DYNC1H1: variants seen among roughly 807,000 people sequenced by gnomAD.
DYNC1H1 encodes dynein cytoplasmic 1 heavy chain 1, also known as cytoplasmic dynein 1 heavy chain 1.
A neutral mutation model predicts 527.1 loss-of-function variants in DYNC1H1; 51 were observed. The observed-to-expected ratio is 0.10, with a 90% CI of 0.08 to 0.12. The LOEUF (loss-of-function observed/expected upper bound fraction) is 0.12, where lower values mean the gene tolerates loss of function less well. Among genes scored for constraint, DYNC1H1 ranks in the 10% least tolerant of loss-of-function variants. DYNC1H1 has a pLI of 1.00. For synonymous variants in DYNC1H1, 2,189 were observed against 2,278.8 expected, an observed-to-expected ratio of 0.96 and a Z score of 1.12; for missense variants, 2,771 against 5,971.8, an observed-to-expected ratio of 0.46 and a Z score of 17.66.
In DYNC1H1 at chr14:102,039,576, C is replaced by T. The variant is rs752530701; in HGVS notation, c.11595+30C>T. Reference sequence around the variant, plus strand: ...AGTGAGGTCCTCAGCCGCTCCCTGGCGGGGGGGAAGCAGGGTGCTGCTTCT... The same window carrying T: ...AGTGAGGTCCTCAGCCGCTCCCTGGTGGGGGGGAAGCAGGGTGCTGCTTCT... On this transcript the variant is annotated intron_variant, in intron 61 of 77. Transcript: ENST00000360184. This position sits in a 1 kb window ranked among gnomAD's most constrained non-coding sequence, Gnocchi z 7.0. 12 of 1,613,988 alleles carry T rather than the reference C, an allele frequency of 7.4e-6. No homozygotes were observed. The highest frequency in any genetic ancestry group is 2.7e-5 in the African/African-American group (2 of 74,904).
chr14:101,987,240 A>G (rs1305289963), intron 8 of DYNC1H1, among the ~76,000 whole-genome samples: 1 of 152,258 alleles, frequency 6.6e-6, no homozygotes, highest in East Asian at 1.9e-4. Context: ...GTAAGGGAAG[A>G]GAAGCTGGGG....
At chr14:102,013,977 C>T (rs1254197304) in intron 34 of DYNC1H1, among the ~76,000 whole-genome samples, 1 of 152,184 alleles carries the variant, frequency 6.6e-6, no homozygotes, top group African/African-American at 2.4e-5. Flanking sequence ...GAGCCTTTAA[C>T]AACAAGGCTT....
At chr14:101,977,321 G>A (rs2047812158) in intron 2 of DYNC1H1, among the ~76,000 whole-genome samples, 1 of 152,140 alleles carries the variant, frequency 6.6e-6, no homozygotes, top group African/African-American at 2.4e-5. Context: ...CTTATTTTGA[G>A]TAATCTCAGG....
In DYNC1H1 at chr14:102,041,943, C is replaced by T. The variant is rs980912045; in HGVS notation, c.12103-70C>T. On this transcript the variant is annotated intron_variant, in intron 65 of 77. Coordinates refer to ENST00000360184, the MANE Select transcript of DYNC1H1 (RefSeq NM_001376.5). This position sits in a 1 kb window ranked among gnomAD's most constrained non-coding sequence, Gnocchi z 4.5. ...ATCTTCTCAGGCCCCTCACTCGGGG[C>T]TCTCCTTTCCCTTGACAGGTACACA... The T allele has an allele frequency of 6.4e-7, 1 of 1,565,916 alleles. No homozygotes were observed. The highest frequency in any genetic ancestry group is 1.7e-5 in the Admixed American group (1 of 58,036).
In DYNC1H1 at chr14:102,002,204, G is replaced by A. The variant is rs1011971857; in HGVS notation, c.4543-333G>A. Among the ~76,000 whole-genome samples the A allele has an allele frequency of 4.6e-5, 7 of 151,208 alleles. No individual in the cohort carries two copies. The South Asian group carries it at 6.3e-4, about 14-fold the overall frequency. ...CGGCTCACTGCAACCTCTGCCTCCC[G>A]GGTTGAAGTGATTCTCCCGCCTCAG... On this transcript the variant is annotated intron_variant, in intron 21 of 77. Coordinates refer to ENST00000360184, the MANE Select transcript of DYNC1H1 (RefSeq NM_001376.5). This position sits in a 1 kb window ranked among gnomAD's most constrained non-coding sequence, Gnocchi z 4.4.
rs1417230758 is a variant in DYNC1H1 at position 101,979,633 on chromosome 14, C to T, written c.519-86C>T. 2.5e-6 allele frequency: 4 copies of T among 1,607,964 alleles called. 1 individual carries two copies. The highest frequency in any genetic ancestry group is 2.7e-5 in the African/African-American group (2 of 74,774). ...CCTGTGTATTAATAAATATGTGTGTCATTACTATTTGACAGACCTGAAATG... is the reference window on the plus strand; with the variant it reads ...CCTGTGTATTAATAAATATGTGTGTTATTACTATTTGACAGACCTGAAATG... On this transcript the variant is annotated intron_variant, in intron 3 of 77. Transcript: ENST00000360184. The surrounding 1 kb of genome is among the most constrained non-coding windows in gnomAD (Gnocchi z 4.6).
At chr14:101,978,529 A>G (rs1417584798) in intron 2 of DYNC1H1, among the ~76,000 whole-genome samples, 1 of 152,202 alleles carries the variant, frequency 6.6e-6, no homozygotes, top group African/African-American at 2.4e-5. Flanking sequence ...AAATTTTATT[A>G]ATTACCTTGA....
rs17512103 is a variant in DYNC1H1, at chr14:101,988,428, C to A, written c.2719-275C>A. Among the ~76,000 whole-genome samples, 1,037 of 152,266 alleles carry A rather than the reference C, an allele frequency of 6.8e-3. 16 individuals are homozygous for A. The highest frequency in any genetic ancestry group is 0.024 in the African/African-American group (993 of 41,550). On this transcript the variant is annotated intron_variant, in intron 9 of 77. Transcript: ENST00000360184. ...CCACTGGTGGACTTCAGAGAGCACA[C>A]CAGTGGAGAGTGTTGGGGAGGAGGA...
Position 102,047,983 on chromosome 14 carries a change from C to A in DYNC1H1, c.13173C>A (p.Ile4391=), listed in dbSNP as rs556009462. The change falls in exon 73 of 78, where the codon ATC becomes ATA. Residue 4391 remains isoleucine (I), a synonymous_variant. Transcript: ENST00000360184. ...CCGCGTCCAACTGGCTGCACCTCAT[C>A]CCCCAGACGCTGAGCCACCTCAAGC... The part of the protein sequence containing the change: ...HTTASNWLHL[I]PQTLSHLKRT... 1 of 1,612,460 alleles carries A rather than the reference C, an allele frequency of 6.2e-7. No homozygotes were observed. Among genetic ancestry groups the A allele is most frequent in the South Asian group, 1.1e-5 (1 of 91,074 alleles).
Position 102,027,235 on chromosome 14 carries a change from A to G in DYNC1H1, c.8833A>G (p.Thr2945Ala), listed in dbSNP as rs2048461139. The change falls in exon 45 of 78, where the codon ACC becomes GCC. Residue 2945 changes from threonine (T) to alanine (A), a missense_variant. Physicochemically the swap from Thr to Ala is moderately conservative, Grantham distance 58. This residue lies in a region of DYNC1H1 where 84 missense variants were observed against 285.4 expected (regional missense o/e 0.29). Coordinates refer to ENST00000360184, the MANE Select transcript of DYNC1H1 (RefSeq NM_001376.5). The surrounding 1 kb of genome is among the most constrained non-coding windows in gnomAD (Gnocchi z 7.7). ...LIGVSGAGKT[T>A]LSRFVAWMNG... ...TGGTGTTAGTGGAGCAGGAAAAACTACCCTGTCTCGTTTCGTCGCCTGGAT... is the reference window on the plus strand; with the variant it reads ...TGGTGTTAGTGGAGCAGGAAAAACTGCCCTGTCTCGTTTCGTCGCCTGGAT... The G allele has an allele frequency of 6.2e-7, 1 of 1,613,908 alleles. No homozygotes were observed. The highest frequency in any genetic ancestry group is 8.5e-7 in the Non-Finnish European group (1 of 1,179,978).
chr14:101,975,698 A>G lies in DYNC1H1; in HGVS notation c.257-14A>G. 5.6e-6 allele frequency: 9 copies of G among 1,602,584 alleles called. No homozygotes were observed. Among genetic ancestry groups the G allele is most frequent in the Non-Finnish European group, 7.7e-6 (9 of 1,169,770 alleles). On this transcript the variant is annotated splice_polypyrimidine_tract_variant and intron_variant, in intron 1 of 77. Coordinates refer to ENST00000360184, the MANE Select transcript of DYNC1H1 (RefSeq NM_001376.5). ...ATGTTGATATTAATTTGATATATTT[A>G]TTATGATTTGTAGAGGACGTCGGTG...
rs547517324 is a variant in DYNC1H1, at chr14:102,000,154, A to G, written c.3960+10A>G. 1.9e-6 allele frequency: 3 copies of G among 1,614,168 alleles called. No individual in the cohort carries two copies. The African/African-American group carries it at 4.0e-5, about 22-fold the overall frequency. On this transcript the variant is annotated intron_variant, in intron 17 of 77. Transcript: ENST00000360184. Reference sequence around the variant, plus strand: ...TGAAGAGCGCGTGCAGGTATGAACCACTGGGGAGTGGGTGGAGAATCCCGC... The same window carrying G: ...TGAAGAGCGCGTGCAGGTATGAACCGCTGGGGAGTGGGTGGAGAATCCCGC...
rs754834522 is a variant in DYNC1H1, at chr14:102,027,496, A to C, written c.9000A>C (p.Leu3000Phe). ...TTATAATGGATGAATCTAATGTGTT[A>C]GATTCTGGATTCCTGGAGCGAATGA... is the stretch of plus-strand genomic sequence containing the variant. ...IAFIMDESNV[L>F]DSGFLERMNT... is the part of the protein sequence containing the mutation. The change falls in exon 46 of 78, where the codon TTA becomes TTC. Residue 3000 changes from leucine to phenylalanine, a missense_variant. Physicochemically the swap from Leu to Phe is conservative, Grantham distance 22. Coordinates refer to ENST00000360184, the MANE Select transcript of DYNC1H1 (RefSeq NM_001376.5). This position sits in a 1 kb window ranked among gnomAD's most constrained non-coding sequence, Gnocchi z 7.7. 1 of 1,614,216 alleles carries C rather than the reference A, an allele frequency of 6.2e-7. No homozygotes were observed. Among genetic ancestry groups the C allele is most frequent in the Non-Finnish European group, 8.5e-7 (1 of 1,180,042 alleles).
chr14:101,983,007 C>T lies in DYNC1H1; in HGVS notation c.962-12C>T. ...TATGTGAAAACCATTAACTCTTTCT[C>T]TGTTAATATAGGTCTAAAACAGGCT... On this transcript the variant is annotated splice_polypyrimidine_tract_variant and intron_variant, in intron 5 of 77. Transcript: ENST00000360184. The surrounding 1 kb of genome is among the most constrained non-coding windows in gnomAD (Gnocchi z 5.3). 6.2e-7 allele frequency: 1 copy of T among 1,613,690 alleles called. No individual in the cohort carries two copies. The highest frequency in any genetic ancestry group is 8.5e-7 in the Non-Finnish European group (1 of 1,179,824).
Position 102,011,565 on chromosome 14 carries a change from G to A in DYNC1H1, c.6619-310G>A, listed in dbSNP as rs186303174. 9 of 399,090 alleles carry A rather than the reference G, an allele frequency of 2.3e-5. No homozygotes were observed. Among genetic ancestry groups the A allele is most frequent in the Non-Finnish European group, 4.3e-5 (9 of 210,174 alleles). 24.7% of individuals were successfully genotyped at this position (399,090 alleles called of 1,614,324 possible). The stretch of plus-strand genomic sequence containing the variant: ...GAAATGTTTGTTTTACATGTGACCT[G>A]TGTAACATCTCTCCAGCTGGGGAGT... On this transcript the variant is annotated intron_variant, in intron 32 of 77. Coordinates refer to ENST00000360184, the MANE Select transcript of DYNC1H1 (RefSeq NM_001376.5). The surrounding 1 kb of genome is among the most constrained non-coding windows in gnomAD (Gnocchi z 5.3).
chr14:102,050,355 G>T, intron 77 of DYNC1H1, 80 bp from the exon 78 acceptor site: 1 of 1,612,676 alleles, frequency 6.2e-7, no homozygotes. Flanking sequence ...TCCTTGCCGG[G>T]CCCCATCAGC....
At chr14:102,040,568 C>T in intron 63 of DYNC1H1, 30 bp from the exon 64 acceptor site, 1 of 1,614,042 alleles carries the variant, frequency 6.2e-7, no homozygotes, top group Non-Finnish European at 8.5e-7. Context: ...CAGCCCTGCT[C>T]CATGGGTGCT....
intron 51 of DYNC1H1, among the ~76,000 whole-genome samples, chr14:102,031,384 G>A (rs1030543921): frequency 3.3e-5 from 5 of 151,964 alleles, no homozygotes; most frequent in Non-Finnish European, 5.9e-5. Flanking sequence ...ATAGGTGCGC[G>A]CCGCCACACC....
rs2047872875 is a variant in DYNC1H1 at position 101,982,076 on chromosome 14, GC to G, written c.962-938del. 2.6e-5 allele frequency among the ~76,000 whole-genome samples: 4 copies of G among 152,194 alleles called. No individual in the cohort carries two copies. In the South Asian group the frequency reaches 8.3e-4, roughly 31 times the overall value. On this transcript the variant is annotated intron_variant, in intron 5 of 77. Transcript: ENST00000360184. ...GAGTGAGCATTACTGCCTGAGCTCT[GC>G]CCCCGTCACATGAGTGGCGGCATTA...
Sources: allele counts gnomAD v4.1 joint callset (sites outside exome capture counted in the v4.1 genomes callset), GRCh38; gene constraint gnomAD v4.1.1; regional missense constraint gnomAD v4.1.1; non-coding constraint Gnocchi (gnomAD v3.1); transcripts MANE v1.5; gene names NCBI Gene and HGNC (gene_info 2026-07-23, HGNC 2026-07-21).